ZFPM2: variants seen among roughly 807,000 people sequenced by gnomAD.
ZFPM2 encodes the protein zinc finger protein ZFPM2.
A neutral mutation model predicts 98.6 loss-of-function variants in ZFPM2; 20 were observed. That is an observed-to-expected ratio of 0.20 (90% CI 0.14 to 0.29). The LOEUF (loss-of-function observed/expected upper bound fraction) is 0.29. ZFPM2 is among the 10% of genes least tolerant of loss of function. The pLI, the probability that ZFPM2 is intolerant of heterozygous loss-of-function variation, is 1.00. For synonymous variants in ZFPM2, 518 were observed against 502.7 expected (o/e 1.03, Z -0.41); for missense variants, 1,310 against 1,388.6 (o/e 0.94, Z 0.90).
At chr8:105,549,518 TCTTCCTTCCTTCCTTC>T (rs766530405) in intron 3 of ZFPM2, among the ~76,000 whole-genome samples, 4 of 48,472 alleles carry the variant, frequency 8.3e-5, no homozygotes, top group Non-Finnish European at 1.4e-4. Flanking sequence ...CTCCCTCCCA[TCTTCCTTCCTTCCTTC>T]CTTCCTTCCT....
chr8:105,334,620 A>G (rs999734887), intron 1 of ZFPM2, among the ~76,000 whole-genome samples: 2 of 151,556 alleles, frequency 1.3e-5, no homozygotes, highest in Non-Finnish European at 3.0e-5. Flanking sequence ...AATTCAATGT[A>G]TTCATTTAGG....
At chr8:105,445,357 CAT>C (rs1284823503) in intron 3 of ZFPM2, among the ~76,000 whole-genome samples, 4 of 151,998 alleles carry the variant, frequency 2.6e-5, no homozygotes, top group Non-Finnish European at 5.9e-5. Flanking sequence ...TATACTATAA[CAT>C]AATGCTATAC....
intron 1 of ZFPM2, among the ~76,000 whole-genome samples, chr8:105,392,603 C>G (rs1429062753): frequency 1.3e-5 from 2 of 152,172 alleles, no homozygotes; most frequent in Non-Finnish European, 2.9e-5. Flanking sequence ...ACAAAAACAA[C>G]TAACATATAA....
At chr8:105,744,092 A>G (rs2131038745) in intron 5 of ZFPM2, among the ~76,000 whole-genome samples, 1 of 152,270 alleles carries the variant, frequency 6.6e-6, no homozygotes, top group East Asian at 1.9e-4. Flanking sequence ...AGACATGCAA[A>G]TAGGCAAACC....
chr8:105,784,794 C>T (rs1213271779), intron 5 of ZFPM2: 1 of 145,254 alleles, frequency 6.9e-6, no homozygotes, highest in Admixed American at 6.7e-5. Flanking sequence ...CAAACATCCG[C>T]CAAGAGTGAT....
chr8:105,796,192 A>C (rs1268794167), intron 6 of ZFPM2, among the ~76,000 whole-genome samples: 2 of 152,216 alleles, frequency 1.3e-5, no homozygotes, highest in African/African-American at 2.4e-5. Flanking sequence ...TGATTCTGAT[A>C]GTGAGGAACT....
At chr8:105,800,849 C>G (rs918600080) in intron 7 of ZFPM2, among the ~76,000 whole-genome samples, 198 bp from the exon 8 acceptor site, 2 of 152,056 alleles carry the variant, frequency 1.3e-5, no homozygotes, top group Admixed American at 1.3e-4. Context: ...CATGAAAGTA[C>G]TTTGAAAACT....
intron 5 of ZFPM2, among the ~76,000 whole-genome samples, chr8:105,677,778 T>G (rs1175392411): frequency 6.6e-6 from 1 of 152,166 alleles, no homozygotes; most frequent in African/African-American, 2.4e-5. Context: ...TTAAATGATA[T>G]GTCTAGCATT....
chr8:105,453,838 T>G (rs1234614401), intron 3 of ZFPM2, among the ~76,000 whole-genome samples: 5 of 151,972 alleles, frequency 3.3e-5, no homozygotes, highest in African/African-American at 1.2e-4. Context: ...TCAGCCAGGC[T>G]AGTCTCAAAC....
chr8:105,494,177 C>T (rs1481439578), intron 3 of ZFPM2, among the ~76,000 whole-genome samples: 2 of 73,852 alleles, frequency 2.7e-5, no homozygotes, highest in Non-Finnish European at 5.1e-5. Flanking sequence ...TAAGCTGCCA[C>T]CAAAAGTATA....
At chr8:105,395,233 C>G (rs1398237236) in intron 1 of ZFPM2, among the ~76,000 whole-genome samples, 3 of 152,168 alleles carry the variant, frequency 2.0e-5, no homozygotes, top group Non-Finnish European at 4.4e-5. Context: ...CACTTTCTCT[C>G]AGTATTTCCT....
At chr8:105,565,230 G>A (rs150710995) in intron 4 of ZFPM2, among the ~76,000 whole-genome samples, 452 of 152,226 alleles carry the variant, frequency 3.0e-3, no homozygotes, top group Middle Eastern at 0.017. Context: ...GCATTTAGAT[G>A]TATATAGAAC....
At chr8:105,610,388 T>C (rs769637972) in intron 4 of ZFPM2, among the ~76,000 whole-genome samples, 7 of 152,126 alleles carry the variant, frequency 4.6e-5, no homozygotes, top group Non-Finnish European at 7.4e-5. Flanking sequence ...ATTACTGATA[T>C]TGGAACTGTG....
At chr8:105,636,496 C>G (rs1816850027) in intron 5 of ZFPM2, among the ~76,000 whole-genome samples, 1 of 152,076 alleles carries the variant, frequency 6.6e-6, no homozygotes, top group East Asian at 1.9e-4. Context: ...TCTCTATTAC[C>G]TTGTTTCATG....
chr8:105,652,657 C>T (rs367657169), intron 5 of ZFPM2, among the ~76,000 whole-genome samples: 5 of 152,084 alleles, frequency 3.3e-5, no homozygotes, highest in East Asian at 3.9e-4. Context: ...AGGTCAGCTA[C>T]GTTTAGCTTG....
At chr8:105,723,874 A>G (rs1201653609) in intron 5 of ZFPM2, among the ~76,000 whole-genome samples, 5 of 151,728 alleles carry the variant, frequency 3.3e-5, no homozygotes, top group African/African-American at 9.7e-5. Flanking sequence ...ATTGACATTA[A>G]AGTAAATTGC....
chr8:105,726,489 C>T (rs1157972663), intron 5 of ZFPM2, among the ~76,000 whole-genome samples: 1 of 151,726 alleles, frequency 6.6e-6, no homozygotes, highest in African/African-American at 2.4e-5. Flanking sequence ...GCTACCAAGT[C>T]CTGCAAAGGA....
At chr8:105,605,175 A>G (rs190191228) in intron 4 of ZFPM2, among the ~76,000 whole-genome samples, 1 of 152,202 alleles carries the variant, frequency 6.6e-6, no homozygotes, top group East Asian at 1.9e-4. Flanking sequence ...ATGCCACCAA[A>G]AGACAGCGGA....
At chr8:105,725,802 T>C (rs936836438) in intron 5 of ZFPM2, among the ~76,000 whole-genome samples, 6 of 151,664 alleles carry the variant, frequency 4.0e-5, no homozygotes, top group African/African-American at 1.5e-4. Flanking sequence ...AAAATACAAG[T>C]CTCTTGTGTC....
Sources: allele counts gnomAD v4.1 joint callset (sites outside exome capture counted in the v4.1 genomes callset), GRCh38; gene constraint gnomAD v4.1.1; transcripts MANE v1.5; gene names NCBI Gene and HGNC (gene_info 2026-07-23, HGNC 2026-07-21).